The following COLEC11 variants were observed in gnomAD, a reference collection of about 807,000 sequenced individuals.
COLEC11 encodes the protein collectin subfamily member 11.
COLEC11 carries 20 observed loss-of-function variants against 27.3 expected under a neutral mutation model. The ratio of observed to expected loss-of-function variants is 0.73; its 90% confidence interval spans 0.51 to 1.06. COLEC11 has a LOEUF of 1.06. Ranked by LOEUF, COLEC11 falls within the 50% of genes least tolerant of loss-of-function variation. The pLI, the probability that COLEC11 is intolerant of heterozygous loss-of-function variation, is 0.00. For missense variants in COLEC11, 310 were observed against 383.0 expected (o/e 0.81, Z 1.59); for synonymous variants, 163 against 154.7 (o/e 1.05, Z -0.40).
intron 1 of COLEC11, among the ~76,000 whole-genome samples, chr2:3,598,788 T>G (rs1662034798): frequency 6.6e-6 from 1 of 150,638 alleles, no homozygotes; most frequent in Non-Finnish European, 1.5e-5. Context: ...GCAGGCGGAG[T>G]GCCCAGCTGC....
intron 3 of COLEC11, among the ~76,000 whole-genome samples, chr2:3,624,282 T>A (rs1395111073): frequency 6.6e-6 from 1 of 152,114 alleles, no homozygotes; most frequent in African/African-American, 2.4e-5. Flanking sequence ...GAGTGTTGGG[T>A]GAAGCATGTG....
rs1030002102 is a variant in COLEC11 at position 3,613,325 on chromosome 2, A to G, written c.145A>G (p.Lys49Glu). 1.2e-6 allele frequency: 2 copies of G among 1,610,306 alleles called. No homozygotes were observed. The highest frequency in any genetic ancestry group is 2.7e-5 in the African/African-American group (2 of 74,854). ...TTCTTCCACAGGGGATGCGGGAGAG[A>G]AGGGAGACAAAGGCGCCCCCGGACG... ...VPGLKGDAGE[K>E]GDKGAPGRPG... The change falls in exon 3 of 7, where the codon AAG (lysine) becomes GAG (glutamate). Residue 49 changes from lysine to glutamate, a missense_variant. Lys to Glu is a moderately conservative substitution (Grantham distance 56). Transcript: ENST00000349077.
chr2:3,608,189 C>T (rs1049197689), intron 2 of COLEC11, among the ~76,000 whole-genome samples: 2 of 152,166 alleles, frequency 1.3e-5, no homozygotes, highest in African/African-American at 2.4e-5. Flanking sequence ...TAGATTTGTA[C>T]ATGATTTGCA....
At position 3,602,760 on chromosome 2, in the gene COLEC11, C is replaced by T. The variant is rs554192427; in HGVS notation, c.-26-1555C>T. On this transcript the variant is annotated intron_variant, in intron 1 of 6. Transcript: ENST00000349077. The surrounding 1 kb of genome is among the most constrained non-coding windows in gnomAD (Gnocchi z 6.2). ...CTGTGCCCACCAGGCCAGCCCACCT[C>T]TCCCCGCACTGTCCGGCATGCACTG... 1.8e-4 allele frequency among the ~76,000 whole-genome samples: 27 copies of T among 152,358 alleles called. No homozygotes were observed. The highest frequency in any genetic ancestry group is 6.0e-4 in the African/African-American group (25 of 41,594).
At chr2:3,612,492 A>G (rs181558039) in intron 2 of COLEC11, among the ~76,000 whole-genome samples, 59 of 151,792 alleles carry the variant, frequency 3.9e-4, no homozygotes, top group Non-Finnish European at 7.4e-4. Flanking sequence ...AGAGTAGGGA[A>G]AGACCGGGGT....
intron 3 of COLEC11, among the ~76,000 whole-genome samples, chr2:3,618,964 G>A (rs1166451729): frequency 6.6e-6 from 1 of 152,036 alleles, no homozygotes; most frequent in Non-Finnish European, 1.5e-5. Context: ...TTTTCAGGTG[G>A]CTCATTGTTA....
At position 3,644,192 on chromosome 2, in the gene COLEC11, G is replaced by A. The variant is rs975087111; in HGVS notation, c.*74G>A. 1 of 1,579,788 alleles carries A rather than the reference G, an allele frequency of 6.3e-7. No individual in the cohort carries two copies. The highest frequency in any genetic ancestry group is 1.3e-5 in the African/African-American group (1 of 74,656). The stretch of plus-strand genomic sequence containing the variant: ...TTGGCAGGGACAGAGCCCAGACCAT[G>A]GTGCCAGCCAGGGAGCTGTCCCTCT... On this transcript the variant is annotated 3_prime_UTR_variant, in exon 7 of 7. Transcript: ENST00000349077.
At chr2:3,609,448 C>T (rs1223978705) in intron 2 of COLEC11, among the ~76,000 whole-genome samples, 2 of 141,048 alleles carry the variant, frequency 1.4e-5, no homozygotes, top group Non-Finnish European at 3.0e-5. Flanking sequence ...TAGCTAACTG[C>T]AGCCTGCAAC....
chr2:3,643,566 C>G, intron 6 of COLEC11, 27 bp downstream of exon 6: 1 of 1,605,790 alleles, frequency 6.2e-7, no homozygotes, highest in African/African-American at 1.3e-5. Context: ...GCCGCCCTCG[C>G]TCCCTCCCAC....
At chr2:3,621,094 G>A (rs777849444) in intron 3 of COLEC11, among the ~76,000 whole-genome samples, 1 of 152,164 alleles carries the variant, frequency 6.6e-6, no homozygotes, top group Non-Finnish European at 1.5e-5. Context: ...TTCTGTCTGG[G>A]TGATCTTTCC....
At chr2:3,617,254 AG>A (rs1663829960) in intron 3 of COLEC11, among the ~76,000 whole-genome samples, 8 of 152,142 alleles carry the variant, frequency 5.3e-5, no homozygotes, top group Admixed American at 2.0e-4. Flanking sequence ...ACTGCATTAC[AG>A]CCTGCAGGAC....
chr2:3,607,292 A>G (rs1315959291), intron 2 of COLEC11, among the ~76,000 whole-genome samples: 2 of 152,156 alleles, frequency 1.3e-5, no homozygotes, highest in African/African-American at 4.8e-5. Flanking sequence ...TTTAGAGAGA[A>G]TGACAACTCC....
intron 3 of COLEC11, chr2:3,626,091 G>T (rs753562710): frequency 1.9e-6 from 3 of 1,613,164 alleles, no homozygotes; most frequent in Non-Finnish European, 2.5e-6. Flanking sequence ...TGGGATCACA[G>T]GGTAATGGAT....
intron 1 of COLEC11, among the ~76,000 whole-genome samples, chr2:3,597,045 G>A (rs1308964064): frequency 1.3e-5 from 2 of 152,260 alleles, no homozygotes; most frequent in Non-Finnish European, 2.9e-5. Flanking sequence ...GGGCAGCGGG[G>A]TCAGTGAATG....
chr2:3,605,744 C>T, intron 2 of COLEC11: 1 of 226,398 alleles, frequency 4.4e-6, no homozygotes, highest in Non-Finnish European at 8.8e-6. Flanking sequence ...TAGATTCAAA[C>T]CCATGATCAA....
intron 3 of COLEC11, among the ~76,000 whole-genome samples, chr2:3,626,259 G>A (rs543335641): frequency 5.3e-5 from 8 of 152,262 alleles, no homozygotes; most frequent in Admixed American, 1.3e-4. Context: ...TAGGCACAAT[G>A]CGGTCCCAGC....
intron 5 of COLEC11, among the ~76,000 whole-genome samples, chr2:3,641,725 G>T (rs980969439): frequency 1.3e-5 from 2 of 152,192 alleles, no homozygotes; most frequent in African/African-American, 4.8e-5. Context: ...TGGAGGGGGG[G>T]TGTCTCACGT....
intron 2 of COLEC11, among the ~76,000 whole-genome samples, chr2:3,609,477 C>T (rs548080579): frequency 2.0e-5 from 3 of 149,420 alleles, no homozygotes; most frequent in Non-Finnish European, 3.0e-5. Flanking sequence ...TGAAGAGCTC[C>T]TCCCACATCA....
At position 3,643,481 on chromosome 2, in the gene COLEC11, C is replaced by G; in HGVS notation, c.366C>G (p.Ile122Met). 2 of 1,613,852 alleles carry G rather than the reference C, an allele frequency of 1.2e-6. No homozygotes were observed. Among genetic ancestry groups the G allele is most frequent in the Non-Finnish European group, 1.7e-6 (2 of 1,180,028 alleles). Reference sequence around the variant, plus strand: ...AGTGCAGCCAGCTGCGCAAGGCCATCGGGGAGATGGACAACCAGGTCTCTC... The same window carrying G: ...AGTGCAGCCAGCTGCGCAAGGCCATGGGGGAGATGGACAACCAGGTCTCTC... ...PCECSQLRKA[I>M]GEMDNQVSQL... Residue 122 changes from isoleucine (I) to methionine (M), a missense_variant, in exon 6 of 7, where the codon ATC (isoleucine) becomes ATG (methionine). Ile to Met is a conservative substitution (Grantham distance 10). Coordinates refer to ENST00000349077, the MANE Select transcript of COLEC11 (RefSeq NM_024027.5).
Sources: gnomAD v4.1 joint callset for allele counts (sites outside exome capture counted in the v4.1 genomes callset) on GRCh38, gnomAD v4.1.1 for gene constraint, Gnocchi (gnomAD v3.1) non-coding constraint, MANE v1.5 for transcripts, NCBI Gene and HGNC (gene_info 2026-07-23, HGNC 2026-07-21) for gene names.